Variants in CUL1 observed in about 807,000 individuals in gnomAD.
CUL1 encodes cullin 1, also known as cullin-1.
Under a neutral mutation model 118.0 loss-of-function variants are expected in CUL1, and 24 were observed. The ratio of observed to expected loss-of-function variants is 0.20; its 90% confidence interval spans 0.15 to 0.29. The LOEUF (loss-of-function observed/expected upper bound fraction) is 0.29. Among genes scored for constraint, CUL1 ranks in the 10% least tolerant of loss-of-function variants. CUL1 has a pLI of 1.00. For synonymous variants in CUL1, 332 were observed against 340.4 expected (o/e 0.98, Z 0.27); for missense variants, 361 against 933.8 (o/e 0.39, Z 7.99).
At chr7:148,772,424 AC>A (rs1277065882) in intron 9 of CUL1, among the ~76,000 whole-genome samples, 2 of 64,870 alleles carry the variant, frequency 3.1e-5, no homozygotes, top group Non-Finnish European at 5.6e-5. Flanking sequence ...CAAAAAAAAA[AC>A]AAAAAAAAAA....
chr7:148,770,785 C>A (rs2129461221), intron 9 of CUL1, among the ~76,000 whole-genome samples: 1 of 152,284 alleles, frequency 6.6e-6, no homozygotes, highest in Non-Finnish European at 1.5e-5. Flanking sequence ...AGAAACACAG[C>A]TGCTAAAAAA....
chr7:148,789,857 G>A, intron 15 of CUL1, 31 bp downstream of exon 15: 2 of 1,597,112 alleles, frequency 1.3e-6, no homozygotes, highest in Non-Finnish European at 1.7e-6. Context: ...CATCCCATTA[G>A]TGCTAAGTGG....
At chr7:148,766,785 T>G (rs1800020246) in intron 8 of CUL1, 62 bp downstream of exon 8, 3 of 1,412,618 alleles carry the variant, frequency 2.1e-6, no homozygotes, top group Non-Finnish European at 2.9e-6. Context: ...GATATTGCTT[T>G]TGATTCTAGA....
At chr7:148,758,674 A>G (rs1160076866) in intron 4 of CUL1, among the ~76,000 whole-genome samples, 1 of 152,212 alleles carries the variant, frequency 6.6e-6, no homozygotes, top group East Asian at 1.9e-4. Context: ...TATTGTCTGT[A>G]TAGCTCCAGT....
intron 1 of CUL1, among the ~76,000 whole-genome samples, chr7:148,713,761 T>A (rs1798124501): frequency 6.6e-6 from 1 of 152,244 alleles, no homozygotes; most frequent in Admixed American, 6.5e-5. Flanking sequence ...TCTCATTCTG[T>A]CGCCTAGGCT....
Position 148,790,447 on chromosome 7 carries a change from A to G in CUL1, c.1806+6A>G. The G allele has an allele frequency of 6.2e-7, 1 of 1,609,320 alleles. No homozygotes were observed. The highest frequency in any genetic ancestry group is 8.5e-7 in the Non-Finnish European group (1 of 1,177,370). ...AAAACAGATATACTTTGCAGGTAAG[A>G]TCACATTTTTATCTTAAAATTTTTC... On this transcript the variant is annotated splice_donor_region_variant and intron_variant, in intron 16 of 21. Coordinates refer to ENST00000325222, the MANE Select transcript of CUL1 (RefSeq NM_003592.3).
intron 9 of CUL1, among the ~76,000 whole-genome samples, chr7:148,778,063 C>G (rs1305048899): frequency 3.6e-5 from 1 of 27,820 alleles, no homozygotes; most frequent in African/African-American, 1.4e-4. Context: ...AGAAGAAGAC[C>G]CTGTCTCAAA....
intron 20 of CUL1, among the ~76,000 whole-genome samples, chr7:148,799,003 C>A (rs1801301261): frequency 6.6e-6 from 1 of 151,818 alleles, no homozygotes; most frequent in African/African-American, 2.4e-5. Flanking sequence ...AATTTTGTCT[C>A]CTTTTTTTTA....
At chr7:148,775,790 T>C (rs367958207) in intron 9 of CUL1, among the ~76,000 whole-genome samples, 19 of 151,408 alleles carry the variant, frequency 1.3e-4, no homozygotes, top group African/African-American at 3.9e-4. Context: ...TTAAAACTTT[T>C]AAAGAATACA....
chr7:148,771,352 A>T (rs572255639), intron 9 of CUL1, among the ~76,000 whole-genome samples: 1 of 152,336 alleles, frequency 6.6e-6, no homozygotes, highest in South Asian at 2.1e-4. Flanking sequence ...TTTAGAACCT[A>T]CTTATGAATT....
chr7:148,734,131 C>G (rs1418677140), intron 2 of CUL1, among the ~76,000 whole-genome samples: 1 of 152,092 alleles, frequency 6.6e-6, no homozygotes, highest in African/African-American at 2.4e-5. Flanking sequence ...CTTGGTTTTT[C>G]TCCTAAAGTT....
chr7:148,741,915 A>G (rs1319278585), intron 2 of CUL1, among the ~76,000 whole-genome samples: 1 of 152,180 alleles, frequency 6.6e-6, no homozygotes, highest in Admixed American at 6.5e-5. Flanking sequence ...TAGCCATCCT[A>G]GTGGGAATGA....
At chr7:148,792,880 G>T (rs1288907229) in intron 17 of CUL1, 62 bp downstream of exon 17, 11 of 1,224,118 alleles carry the variant, frequency 9.0e-6, no homozygotes, top group Non-Finnish European at 9.5e-6. Flanking sequence ...CGTGGATATT[G>T]TTAGGAAAGA....
At chr7:148,704,954 T>C (rs1797837201) in intron 1 of CUL1, among the ~76,000 whole-genome samples, 1 of 152,242 alleles carries the variant, frequency 6.6e-6, no homozygotes, top group South Asian at 2.1e-4. Flanking sequence ...AGTTTAATGC[T>C]GAAATCACTT....
intron 9 of CUL1, among the ~76,000 whole-genome samples, chr7:148,773,470 CCTGTGCTTCCTGT>C (rs1430968070): frequency 2.6e-5 from 4 of 152,172 alleles, no homozygotes; most frequent in Non-Finnish European, 5.9e-5. Context: ...GTTATAACTT[CCTGTGCTTCCTGT>C]CACTGCACCA....
chr7:148,723,997 T>A (rs115554153), intron 1 of CUL1, among the ~76,000 whole-genome samples: 2,031 of 152,340 alleles, frequency 0.013, 55 homozygotes, highest in African/African-American at 0.045. Context: ...ACAAAGTATT[T>A]AACTTCACTA....
intron 9 of CUL1, among the ~76,000 whole-genome samples, chr7:148,774,066 A>G (rs968357963): frequency 2.0e-5 from 3 of 152,232 alleles, no homozygotes; most frequent in African/African-American, 7.2e-5. Flanking sequence ...AATTAAATAA[A>G]TCGGAGAATA....
At position 148,799,448 on chromosome 7, in the gene CUL1, C is replaced by CA; in HGVS notation, c.2250+65dup. 7 of 1,153,642 alleles carry CA rather than the reference C, an allele frequency of 6.1e-6. No individual in the cohort carries two copies. In the South Asian group the frequency reaches 9.2e-5, roughly 15 times the overall value. 71.5% of individuals were successfully genotyped at this position (1,153,642 alleles called of 1,614,324 possible). ...TTAATTTAGAAGATAAAAGATGTAG[C>CA]AAAAAGTGGATTGATTGCTGTAGCA... On this transcript the variant is annotated intron_variant, in intron 21 of 21. Coordinates refer to ENST00000325222, the MANE Select transcript of CUL1 (RefSeq NM_003592.3).
intron 19 of CUL1, 60 bp from the exon 20 acceptor site, chr7:148,798,512 C>A: frequency 8.0e-7 from 1 of 1,255,500 alleles, no homozygotes; most frequent in Non-Finnish European, 1.2e-6. Context: ...AAATAGAAAG[C>A]AGCCTTCACT....
Sources: allele counts gnomAD v4.1 joint callset (sites outside exome capture counted in the v4.1 genomes callset), GRCh38; gene constraint gnomAD v4.1.1; transcripts MANE v1.5; gene names NCBI Gene and HGNC (gene_info 2026-07-23, HGNC 2026-07-21).